Variants in SLC17A3 observed in about 807,000 individuals in gnomAD.
The protein encoded by SLC17A3 is sodium-dependent phosphate transport protein 4.
Under a neutral mutation model 60.3 loss-of-function variants are expected in SLC17A3, and 61 were observed. The observed-to-expected ratio is 1.01, with a 90% CI of 0.82 to 1.25. SLC17A3 has a LOEUF of 1.25. Ranked by LOEUF, SLC17A3 falls within the 50% of genes most tolerant of loss-of-function variation. SLC17A3 has a pLI of 0.00. For synonymous variants in SLC17A3, 192 were observed against 208.9 expected (o/e 0.92, Z 0.70); for missense variants, 624 against 594.9 (o/e 1.05, Z -0.51).
intron 9 of SLC17A3, 36 bp downstream of exon 9, chr6:25,850,012 T>A: frequency 1.2e-6 from 2 of 1,614,002 alleles, no homozygotes; most frequent in Non-Finnish European, 1.7e-6. Context: ...TGTTGTATGC[T>A]ACGCAAATTA....
intron 5 of SLC17A3, among the ~76,000 whole-genome samples, chr6:25,859,687 C>A (rs756318988): frequency 6.6e-6 from 1 of 152,124 alleles, no homozygotes; most frequent in Non-Finnish European, 1.5e-5. Flanking sequence ...CTCTGGACAC[C>A]CCTGTTTGAA....
intron 11 of SLC17A3, among the ~76,000 whole-genome samples, chr6:25,847,954 T>C (rs1765206189): frequency 6.6e-6 from 1 of 152,162 alleles, no homozygotes. Flanking sequence ...TGCCTTTGCA[T>C]CATCACAGTT....
chr6:25,864,382 C>T (rs781186351), intron 2 of SLC17A3, among the ~76,000 whole-genome samples: 12 of 151,810 alleles, frequency 7.9e-5, no homozygotes, highest in African/African-American at 1.2e-4. Flanking sequence ...GAGAACAAAA[C>T]GATAGGGAGG....
At position 25,868,399 on chromosome 6, in the gene SLC17A3, T is replaced by C. The variant is rs1224217547; in HGVS notation, c.-12A>G. 6.2e-7 allele frequency: 1 copy of C among 1,607,482 alleles called. No homozygotes were observed. Among genetic ancestry groups the C allele is most frequent in the Non-Finnish European group, 8.5e-7 (1 of 1,174,708 alleles). On this transcript the variant is annotated 5_prime_UTR_variant, in exon 2 of 13. Coordinates refer to ENST00000397060, the MANE Select transcript of SLC17A3 (RefSeq NM_001098486.2). Reference sequence around the variant, plus strand: ...GTCTTGGTGGCCATTGTGTTTCTCCTCTCCTAGTGAATGGTTTTCACCTAT... The same window carrying C: ...GTCTTGGTGGCCATTGTGTTTCTCCCCTCCTAGTGAATGGTTTTCACCTAT...
chr6:25,868,181 G>A, intron 2 of SLC17A3, 116 bp downstream of exon 2: 1 of 788,466 alleles, frequency 1.3e-6, no homozygotes. Context: ...TAATTTCACT[G>A]GATTTGTAAA....
intron 6 of SLC17A3, among the ~76,000 whole-genome samples, chr6:25,851,079 C>A (rs1233830159): frequency 2.0e-5 from 3 of 152,076 alleles, no homozygotes; most frequent in Non-Finnish European, 4.4e-5. Context: ...GAAGTGGCAC[C>A]ACACTTGATA....
chr6:25,847,206 A>G (rs1443381640), intron 11 of SLC17A3, among the ~76,000 whole-genome samples: 1 of 152,110 alleles, frequency 6.6e-6, no homozygotes, highest in Non-Finnish European at 1.5e-5. Context: ...TTAGTTTTCT[A>G]GGATAATGGC....
Position 25,845,421 on chromosome 6 carries a change from G to T in SLC17A3, c.1458C>A (p.Val486=). The part of the protein sequence containing the change: ...LFYLIFGEAD[V]QEWAKERKLT... ...GTTTTCTCTCTTTAGCCCATTCTTG[G>T]ACATCTGCTTCTCCAAATATGAGGT... The change falls in exon 12 of 13, where the codon GTC becomes GTA. Residue 486 remains valine, a synonymous_variant. Coordinates refer to ENST00000397060, the MANE Select transcript of SLC17A3 (RefSeq NM_001098486.2). 6.2e-7 allele frequency: 1 copy of T among 1,613,908 alleles called. No individual in the cohort carries two copies. The highest frequency in any genetic ancestry group is 8.5e-7 in the Non-Finnish European group (1 of 1,179,932).
chr6:25,857,399 G>A (rs531157549), intron 5 of SLC17A3, among the ~76,000 whole-genome samples: 1 of 151,762 alleles, frequency 6.6e-6, no homozygotes, highest in South Asian at 2.1e-4. Flanking sequence ...TCCTTTGTCT[G>A]TATGCTGGCT....
intron 1 of SLC17A3, among the ~76,000 whole-genome samples, chr6:25,872,367 G>C (rs1008899285): frequency 1.3e-5 from 2 of 149,968 alleles, no homozygotes; most frequent in African/African-American, 4.9e-5. Context: ...ACAAATTTGG[G>C]CTTAATTTAT....
chr6:25,862,261 C>A lies in SLC17A3; in HGVS notation c.275G>T (p.Ser92Ile), dbSNP rs1385525234. 10 of 1,613,602 alleles carry A rather than the reference C, an allele frequency of 6.2e-6. No homozygotes were observed. The South Asian group carries it at 6.6e-5, about 11-fold the overall frequency. ...TGCAGGAAGACTCTTTGGGGCTTTA[C>A]TTAGGCCACCAAATGAGTCAACAGG... The part of the protein sequence containing the change: ...VLPVDSFGGL[S>I]KAPKSLPAKA... The change falls in exon 3 of 13, where the codon AGT (serine) becomes ATT (isoleucine). Residue 92 changes from serine to isoleucine, a missense_variant. Coordinates refer to ENST00000397060, the MANE Select transcript of SLC17A3 (RefSeq NM_001098486.2).
rs769476335 is a variant in SLC17A3, at chr6:25,845,504, C to T, written c.1375G>A (p.Gly459Arg). 1.2e-6 allele frequency: 2 copies of T among 1,614,028 alleles called. No homozygotes were observed. Among genetic ancestry groups the T allele is most frequent in the Non-Finnish European group, 1.7e-6 (2 of 1,179,944 alleles). Residue 459 changes from glycine to arginine, a missense_variant, in exon 12 of 13, where the codon GGG becomes AGG. Physicochemically the swap from Gly to Arg is moderately radical, Grantham distance 125. Transcript: ENST00000397060. ...AGCAAGAAGAAGACATTCCTCCACC[C>T]AAACTCAGGGTCCTGGAGACACAAA... ...GFLLSQDPEF[G>R]WRNVFFLLFA... is the part of the protein sequence containing the mutation.
At chr6:25,866,097 A>G (rs1182172157) in intron 2 of SLC17A3, among the ~76,000 whole-genome samples, 1 of 151,988 alleles carries the variant, frequency 6.6e-6, no homozygotes, top group African/African-American at 2.4e-5. Flanking sequence ...GTATGGGGCC[A>G]GGACCTTTCA....
chr6:25,845,256 T>C lies in SLC17A3; in HGVS notation c.*45A>G. 8.9e-7 allele frequency: 1 copy of C among 1,121,554 alleles called. No individual in the cohort carries two copies. The highest frequency in any genetic ancestry group is 1.3e-6 in the Non-Finnish European group (1 of 749,336). 69.5% of individuals were successfully genotyped at this position (1,121,554 alleles called of 1,614,324 possible). A position where few individuals can be genotyped will look rare whatever the true frequency, so the allele number is the denominator to read the frequency against. The stretch of plus-strand genomic sequence containing the variant: ...TTCATCACGGAAGCCTTCTATTTTA[T>C]GCAATACGGTGCCTAATGACTTTTC... On this transcript the variant is annotated 3_prime_UTR_variant, in exon 13 of 13. Coordinates refer to ENST00000397060, the MANE Select transcript of SLC17A3 (RefSeq NM_001098486.2).
intron 6 of SLC17A3, 43 bp downstream of exon 6, chr6:25,855,101 T>G (rs1458862484): frequency 8.1e-7 from 1 of 1,233,398 alleles, no homozygotes; most frequent in Non-Finnish European, 1.2e-6. Context: ...GAGGAGAATC[T>G]TTCTGCATAT....
At chr6:25,850,015 G>A (rs368848189) in intron 9 of SLC17A3, 33 bp downstream of exon 9, 13 of 1,613,740 alleles carry the variant, frequency 8.1e-6, no homozygotes, top group African/African-American at 4.0e-5. Flanking sequence ...TGTATGCTAC[G>A]CAAATTATCT....
chr6:25,856,608 A>G (rs577239665), intron 5 of SLC17A3, among the ~76,000 whole-genome samples: 4 of 151,552 alleles, frequency 2.6e-5, no homozygotes, highest in African/African-American at 9.7e-5. Flanking sequence ...AGCACTTTGG[A>G]AGGCCGAGGC....
At chr6:25,857,060 C>T (rs1765368742) in intron 5 of SLC17A3, among the ~76,000 whole-genome samples, 1 of 151,616 alleles carries the variant, frequency 6.6e-6, no homozygotes, top group African/African-American at 2.4e-5. Flanking sequence ...ATGGTGGTGC[C>T]TGACTGTAGT....
At chr6:25,846,772 G>A (rs1055369030) in intron 11 of SLC17A3, among the ~76,000 whole-genome samples, 65 of 152,054 alleles carry the variant, frequency 4.3e-4, no homozygotes, top group African/African-American at 1.3e-3. Flanking sequence ...CACCACATCC[G>A]GCTAATTGTT....
Sources: allele counts gnomAD v4.1 joint callset (sites outside exome capture counted in the v4.1 genomes callset), GRCh38; gene constraint gnomAD v4.1.1; transcripts MANE v1.5; gene names NCBI Gene and HGNC (gene_info 2026-07-23, HGNC 2026-07-21).